The following DMXL1 variants were observed in gnomAD, a reference collection of about 807,000 sequenced individuals.
DMXL1 encodes Dmx like 1, also known as dmX-like protein 1.
DMXL1 carries 99 observed loss-of-function variants against 319.2 expected under a neutral mutation model. That is an observed-to-expected ratio of 0.31 (90% CI 0.26 to 0.37). The LOEUF is 0.37. DMXL1 is among the 10% of genes least tolerant of loss of function. DMXL1 has a pLI of 1.00. For synonymous variants in DMXL1, 1,385 were observed against 1,235.2 expected, an observed-to-expected ratio of 1.12 and a Z score of -2.54; for missense variants, 3,745 against 3,595.6, an observed-to-expected ratio of 1.04 and a Z score of -1.06.
chr5:119,224,702 T>A lies in DMXL1; in HGVS notation c.8278-7T>A, dbSNP rs749882624. On this transcript the variant is annotated splice_polypyrimidine_tract_variant and splice_region_variant and intron_variant, in intron 37 of 43. Coordinates refer to ENST00000539542, the MANE Select transcript of DMXL1 (RefSeq NM_001290321.3). The stretch of plus-strand genomic sequence containing the variant: ...ATGCCTATAAAATAATTTTTCTATT[T>A]TACCAGATGATTAAGAAAGCCATTA... The A allele has an allele frequency of 8.4e-7, 1 of 1,188,404 alleles. No homozygotes were observed. Among genetic ancestry groups the A allele is most frequent in the South Asian group, 1.9e-5 (1 of 51,342 alleles). 73.6% of individuals were successfully genotyped at this position (1,188,404 alleles called of 1,614,324 possible). A position where few individuals can be genotyped will look rare whatever the true frequency, so the allele number is the denominator to read the frequency against.
Position 119,175,307 on chromosome 5 carries a change from A to G in DMXL1, c.6728A>G (p.Tyr2243Cys), listed in dbSNP as rs1359621005. The change falls in exon 26 of 44, where the codon TAT becomes TGT. Residue 2243 changes from tyrosine to cysteine, a missense_variant. Around this residue, in one of 4 missense-constraint regions of DMXL1, gnomAD observed 1,382 missense variants for 1,269.5 expected, o/e 1.09. Transcript: ENST00000539542. ...GCAGCTTCACTTTCTGCTTGTATTT[A>G]TCAGTGCCTTTGTGGTAGTCATAAC... ...TLAASLSACIYQCLCGSHNYS... is the reference protein window; with the variant it reads ...TLAASLSACICQCLCGSHNYS... 1.2e-6 allele frequency: 2 copies of G among 1,611,860 alleles called. No individual in the cohort carries two copies. The highest frequency in any genetic ancestry group is 4.5e-5 in the East Asian group (2 of 44,734).
chr5:119,087,363 G>T (rs1439693265), intron 1 of DMXL1, among the ~76,000 whole-genome samples: 1 of 151,698 alleles, frequency 6.6e-6, no homozygotes, highest in Non-Finnish European at 1.5e-5. Flanking sequence ...TATAGATTCT[G>T]TTATGTTGTA....
chr5:119,168,982 G>C (rs112237419), intron 23 of DMXL1, among the ~76,000 whole-genome samples: 305 of 152,122 alleles, frequency 2.0e-3, no homozygotes, highest in African/African-American at 7.0e-3. Flanking sequence ...GCTCACTGCA[G>C]CTTCCACCTC....
Position 119,097,981 on chromosome 5 carries a change from T to G in DMXL1, c.90T>G (p.Ala30=). The change falls in exon 2 of 44, where the codon GCT becomes GCG. Residue 30 remains alanine (A), a splice_region_variant and synonymous_variant. Coordinates refer to ENST00000539542, the MANE Select transcript of DMXL1 (RefSeq NM_001290321.3). ...VGSIGDQRFT[A]YASGCDIVIL... ...TTTTTATTTATTTATTTTTTTAGGC[T>G]TATGCATCTGGATGTGACATTGTAA... is the stretch of plus-strand genomic sequence containing the variant. The G allele has an allele frequency of 6.2e-7, 1 of 1,605,764 alleles. No individual in the cohort carries two copies. Among genetic ancestry groups the G allele is most frequent in the Non-Finnish European group, 8.5e-7 (1 of 1,176,402 alleles).
rs1776006018 is a variant in DMXL1, at chr5:119,177,385, A to G, written c.6787A>G (p.Met2263Val). The stretch of plus-strand genomic sequence containing the variant: ...ATTTCAGACGAATCAGTTTACTGGA[A>G]TGGTATATCAGACAGTACTGCTTCC... Reference protein sequence around the residue: ...SSFQTNQFTGMVYQTVLLPHR... With the variant: ...SSFQTNQFTGVVYQTVLLPHR... Residue 2263 changes from methionine (M) to valine (V), a missense_variant, in exon 27 of 44, where the codon ATG (methionine) becomes GTG (valine). Met to Val is a conservative substitution (Grantham distance 21). Around this residue, in one of 4 missense-constraint regions of DMXL1, gnomAD observed 1,382 missense variants for 1,269.5 expected, o/e 1.09. Coordinates refer to ENST00000539542, the MANE Select transcript of DMXL1 (RefSeq NM_001290321.3). 2 of 1,572,532 alleles carry G rather than the reference A, an allele frequency of 1.3e-6. No homozygotes were observed. Among genetic ancestry groups the G allele is most frequent in the Admixed American group, 1.9e-5 (1 of 54,024 alleles).
At chr5:119,243,914 C>A (rs1789256101) in intron 42 of DMXL1, among the ~76,000 whole-genome samples, 1 of 152,200 alleles carries the variant, frequency 6.6e-6, no homozygotes, top group South Asian at 2.1e-4. Flanking sequence ...TTTTTGTATT[C>A]TGTAAATGTT....
chr5:119,183,502 T>G (rs141167105), intron 28 of DMXL1, among the ~76,000 whole-genome samples: 148 of 152,336 alleles, frequency 9.7e-4, no homozygotes, highest in African/African-American at 3.1e-3. Flanking sequence ...AGGCAGAGAC[T>G]CGTACCGTCG....
Position 119,129,489 on chromosome 5 carries a change from G to T in DMXL1, c.1315+66G>T. On this transcript the variant is annotated intron_variant, in intron 10 of 43. Transcript: ENST00000539542. ...AAATAGCAAACATTTTCATATTAGG[G>T]TAAAACTAGCTACTTGTAATAAACT... 4 of 1,137,058 alleles carry T rather than the reference G, an allele frequency of 3.5e-6. No homozygotes were observed. The East Asian group carries it at 1.0e-4, about 28-fold the overall frequency. The allele number at this position is 1,137,058 out of a possible 1,614,324, so 70.4% of individuals were successfully genotyped here. A position where few individuals can be genotyped will look rare whatever the true frequency, so the allele number is the denominator to read the frequency against.
At chr5:119,106,525 A>C (rs1398957919) in intron 4 of DMXL1, among the ~76,000 whole-genome samples, 1 of 152,218 alleles carries the variant, frequency 6.6e-6, no homozygotes, top group African/African-American at 2.4e-5. Flanking sequence ...AGTGGTGGTA[A>C]GGAGATAAGA....
intron 28 of DMXL1, among the ~76,000 whole-genome samples, chr5:119,180,692 A>G (rs928426237): frequency 2.0e-5 from 3 of 152,278 alleles, no homozygotes; most frequent in Non-Finnish European, 2.9e-5. Flanking sequence ...CTAATTTCAC[A>G]TGAAATTTGC....
At chr5:119,212,721 T>G (rs553275150) in intron 34 of DMXL1, among the ~76,000 whole-genome samples, 1 of 152,334 alleles carries the variant, frequency 6.6e-6, no homozygotes, top group East Asian at 1.9e-4. Flanking sequence ...CTTGAAACTT[T>G]AGGAGATCTT....
Position 119,129,218 on chromosome 5 carries a change from A to T in DMXL1, c.1110A>T (p.Pro370=). Residue 370 remains proline (P), a synonymous_variant, in exon 10 of 44, where the codon CCA becomes CCT. Coordinates refer to ENST00000539542, the MANE Select transcript of DMXL1 (RefSeq NM_001290321.3). ...CTTTTTTTTCTCTTATAGACATTCC[A>T]CTTCTTCCATCTATTACATCTCTGA... ...AASINPATDI[P]LLPSITSLSL... The T allele has an allele frequency of 6.2e-7, 1 of 1,603,464 alleles. No individual in the cohort carries two copies. The highest frequency in any genetic ancestry group is 1.1e-5 in the South Asian group (1 of 88,812).
chr5:119,175,200 TG>T, intron 25 of DMXL1, 60 bp from the exon 26 acceptor site: 2 of 1,351,724 alleles, frequency 1.5e-6, no homozygotes, highest in Non-Finnish European at 2.0e-6. Context: ...TATTAGGTCT[TG>T]AAAAAAAATC....
At position 119,197,949 on chromosome 5, in the gene DMXL1, C is replaced by T. The variant is rs767250259; in HGVS notation, c.7738C>T (p.Pro2580Ser). 8 of 1,613,918 alleles carry T rather than the reference C, an allele frequency of 5.0e-6. No homozygotes were observed. Among genetic ancestry groups the T allele is most frequent in the Non-Finnish European group, 6.8e-6 (8 of 1,179,932 alleles). The change falls in exon 32 of 44, where the codon CCT becomes TCT. Residue 2580 changes from proline to serine, a missense_variant. This residue lies in a region of DMXL1 where 1,382 missense variants were observed against 1,269.5 expected (regional missense o/e 1.09). Transcript: ENST00000539542. ...HKALLEPTNT[P>S]FKSKHHLALS... ...AGCTTTACTGGAACCTACAAACACTCCTTTCAAGTAGGTTTTCTTATGAAT... is the reference window on the plus strand; with the variant it reads ...AGCTTTACTGGAACCTACAAACACTTCTTTCAAGTAGGTTTTCTTATGAAT...
intron 5 of DMXL1, among the ~76,000 whole-genome samples, chr5:119,114,162 T>C (rs900895810): frequency 4.6e-5 from 7 of 152,226 alleles, no homozygotes; most frequent in African/African-American, 1.7e-4. Context: ...GATCCATGGT[T>C]CTGGAAACTA....
In DMXL1 at chr5:119,110,167, T is replaced by A; in HGVS notation, c.381T>A (p.Thr127=). Residue 127 remains threonine, a synonymous_variant, in exon 5 of 44, where the codon ACT becomes ACA. Coordinates refer to ENST00000539542, the MANE Select transcript of DMXL1 (RefSeq NM_001290321.3). ...TTTTTTTAGGCAGTCGTCTTTTAACTGGTTCCAGCTATTTGCAACTCTGGT... is the reference window on the plus strand; with the variant it reads ...TTTTTTTAGGCAGTCGTCTTTTAACAGGTTCCAGCTATTTGCAACTCTGGT... ...TWDPTGSRLL[T]GSSYLQLWSN... 1 of 1,596,438 alleles carries A rather than the reference T, an allele frequency of 6.3e-7. No homozygotes were observed. Among genetic ancestry groups the A allele is most frequent in the African/African-American group, 1.4e-5 (1 of 73,726 alleles).
chr5:119,199,034 A>C (rs1289892539), intron 32 of DMXL1, among the ~76,000 whole-genome samples: 4 of 152,032 alleles, frequency 2.6e-5, no homozygotes, highest in Non-Finnish European at 5.9e-5. Context: ...TCACAGGCAC[A>C]CACCACCATG....
At chr5:119,121,539 C>T (rs1762056092) in intron 9 of DMXL1, among the ~76,000 whole-genome samples, 1 of 152,048 alleles carries the variant, frequency 6.6e-6, no homozygotes, top group Admixed American at 6.6e-5. Context: ...TTGCACCGCC[C>T]TTAATCCATT....
At chr5:119,179,179 G>A (rs1455015905) in intron 28 of DMXL1, among the ~76,000 whole-genome samples, 2 of 151,720 alleles carry the variant, frequency 1.3e-5, no homozygotes, top group African/African-American at 4.8e-5. Context: ...ATTAGCCCAT[G>A]TGTGATAATC....
Sources: gnomAD v4.1 joint callset for allele counts (sites outside exome capture counted in the v4.1 genomes callset) on GRCh38, gnomAD v4.1.1 for gene constraint, gnomAD v4.1.1 regional missense constraint, MANE v1.5 for transcripts, NCBI Gene and HGNC (gene_info 2026-07-23, HGNC 2026-07-21) for gene names.